The following GREB1L variants were observed in gnomAD, a reference collection of about 807,000 sequenced individuals.
The protein encoded by GREB1L is GREB1-like protein.
A neutral mutation model predicts 200.8 loss-of-function variants in GREB1L; 17 were observed. That is an observed-to-expected ratio of 0.08 (90% CI 0.06 to 0.13). The LOEUF (loss-of-function observed/expected upper bound fraction) is 0.13. Among genes scored for constraint, GREB1L ranks in the 10% least tolerant of loss-of-function variants. The probability of loss-of-function intolerance (pLI) is 1.00; values close to 1 mark genes in which losing one functional copy is unlikely to be tolerated. For missense variants in GREB1L, 1,657 were observed against 2,367.7 expected, an observed-to-expected ratio of 0.70 and a Z score of 6.23; for synonymous variants, 789 against 893.0, an observed-to-expected ratio of 0.88 and a Z score of 2.08.
intron 18 of GREB1L, among the ~76,000 whole-genome samples, chr18:21,488,610 A>C (rs1333959453): frequency 6.6e-6 from 1 of 152,034 alleles, no homozygotes; most frequent in Admixed American, 6.6e-5. Context: ...GCATTGGCCA[A>C]CCTTGGACCC....
intron 7 of GREB1L, among the ~76,000 whole-genome samples, chr18:21,408,734 C>T (rs2030589285): frequency 6.9e-6 from 1 of 143,904 alleles, no homozygotes. Context: ...GTGGAGGTTG[C>T]AGTGAGCCGA....
At chr18:21,338,328 A>G (rs1421434739) in intron 1 of GREB1L, among the ~76,000 whole-genome samples, 2 of 152,248 alleles carry the variant, frequency 1.3e-5, no homozygotes, top group African/African-American at 4.8e-5. Context: ...AGAAACACTG[A>G]TCTAAAATTC....
At chr18:21,490,398 C>T (rs1309556807) in intron 19 of GREB1L, 47 bp downstream of exon 19, 7 of 1,484,972 alleles carry the variant, frequency 4.7e-6, no homozygotes, top group African/African-American at 1.4e-5. Context: ...ATTTGTTTCT[C>T]TTTTCTAGGA....
In GREB1L at chr18:21,337,306, AT is replaced by A. The variant is rs796790760; in HGVS notation, c.-119-28711del. ...TTTGCTGTTTGTTTTTAGTGTTTTG[AT>A]TTTTTTTTTATGTTTTATAATAAAG... On this transcript the variant is annotated intron_variant, in intron 1 of 32. Coordinates refer to ENST00000424526, the MANE Select transcript of GREB1L (RefSeq NM_001142966.3). 1.4e-3 allele frequency among the ~76,000 whole-genome samples: 211 copies of A among 149,818 alleles called. 1 individual carries two copies. The highest frequency in any genetic ancestry group is 4.2e-3 in the African/African-American group (170 of 40,768).
chr18:21,503,941 A>C (rs2036907701), intron 23 of GREB1L, among the ~76,000 whole-genome samples: 1 of 149,786 alleles, frequency 6.7e-6, no homozygotes, highest in Non-Finnish European at 1.5e-5. Context: ...ACTTTATTTT[A>C]TTTATTTATT....
chr18:21,334,414 TAGAA>T (rs1407394647), intron 1 of GREB1L, among the ~76,000 whole-genome samples: 1 of 152,182 alleles, frequency 6.6e-6, no homozygotes, highest in East Asian at 1.9e-4. Context: ...TCATGAAACA[TAGAA>T]AGTGTTTAAG....
At chr18:21,271,877 G>A (rs2038085289) in intron 1 of GREB1L, among the ~76,000 whole-genome samples, 1 of 152,174 alleles carries the variant, frequency 6.6e-6, no homozygotes, top group South Asian at 2.1e-4. Context: ...CACTACAGGG[G>A]AGGCTAAAAG....
intron 1 of GREB1L, among the ~76,000 whole-genome samples, chr18:21,310,861 T>C (rs1174028582): frequency 6.6e-6 from 1 of 151,952 alleles, no homozygotes; most frequent in South Asian, 2.1e-4. Flanking sequence ...TGAATAAGAG[T>C]TAAACATTTT....
intron 30 of GREB1L, 122 bp downstream of exon 30, chr18:21,516,876 A>ATTTT: frequency 3.3e-5 from 16 of 478,688 alleles, no homozygotes; most frequent in Non-Finnish European, 5.1e-5. Flanking sequence ...AACACAAGGG[A>ATTTT]GTTTTTTTTT....
chr18:21,475,970 CAAAAAAAAAAAAAA>C (rs71178177), intron 16 of GREB1L, among the ~76,000 whole-genome samples: 2 of 58,366 alleles, frequency 3.4e-5, no homozygotes, highest in Non-Finnish European at 2.9e-5. Context: ...GACTCCGTCT[CAAAAAAAAAAAAAA>C]AAAAAAAAAA....
intron 1 of GREB1L, among the ~76,000 whole-genome samples, chr18:21,350,363 G>A (rs1460684427): frequency 6.6e-6 from 1 of 150,688 alleles, no homozygotes. Flanking sequence ...TCAGCCTCCC[G>A]AGTAGCTGAG....
intron 6 of GREB1L, 56 bp from the exon 7 acceptor site, chr18:21,403,816 C>T: frequency 2.1e-6 from 3 of 1,458,542 alleles, no homozygotes; most frequent in Admixed American, 2.1e-5. Context: ...GTCCCCATCA[C>T]CTGTTTTAAC....
chr18:21,499,061 C>T (rs901241703), intron 21 of GREB1L, among the ~76,000 whole-genome samples: 3 of 152,174 alleles, frequency 2.0e-5, no homozygotes, highest in Admixed American at 6.5e-5. Flanking sequence ...GCCTTGGAGT[C>T]GCATACGCCT....
At chr18:21,403,578 C>T (rs1043428511) in intron 6 of GREB1L, among the ~76,000 whole-genome samples, 1 of 152,078 alleles carries the variant, frequency 6.6e-6, no homozygotes, top group Non-Finnish European at 1.5e-5. Flanking sequence ...TCTGTCTTAC[C>T]CATAAAACTA....
At chr18:21,438,960 C>CAAAAAAAAAAA (rs59125788) in intron 7 of GREB1L, among the ~76,000 whole-genome samples, 4 of 64,580 alleles carry the variant, frequency 6.2e-5, no homozygotes, top group African/African-American at 9.6e-5. Flanking sequence ...GACTCTGTCT[C>CAAAAAAAAAAA]AAAAAAAAAA....
intron 17 of GREB1L, among the ~76,000 whole-genome samples, chr18:21,480,727 C>A (rs565950754): frequency 2.6e-5 from 4 of 152,066 alleles, no homozygotes; most frequent in African/African-American, 4.8e-5. Context: ...ACACAGAAAA[C>A]TGATGGTTTA....
intron 11 of GREB1L, among the ~76,000 whole-genome samples, chr18:21,447,195 G>A (rs2034268861): frequency 6.6e-6 from 1 of 152,054 alleles, no homozygotes; most frequent in Admixed American, 6.6e-5. Flanking sequence ...TGAGGCAGAA[G>A]GATCACTTGA....
chr18:21,444,711 TG>T (rs2034109974), intron 11 of GREB1L, among the ~76,000 whole-genome samples: 1 of 152,258 alleles, frequency 6.6e-6, no homozygotes, highest in Non-Finnish European at 1.5e-5. Context: ...CTTAAAGGGT[TG>T]TGCCTTGAGC....
chr18:21,245,594 T>C (rs1427176377), intron 1 of GREB1L, among the ~76,000 whole-genome samples: 8 of 152,250 alleles, frequency 5.3e-5, no homozygotes, highest in Non-Finnish European at 1.0e-4. Context: ...TACTTCCCAT[T>C]ATTTACAATA....
Sources: allele counts gnomAD v4.1 joint callset (sites outside exome capture counted in the v4.1 genomes callset), GRCh38; gene constraint gnomAD v4.1.1; transcripts MANE v1.5; gene names NCBI Gene and HGNC (gene_info 2026-07-23, HGNC 2026-07-21).